The following CNTN3 variants were observed in gnomAD, a reference collection of about 807,000 sequenced individuals.
CNTN3 encodes contactin-3.
In CNTN3, 60 loss-of-function variants were observed where a neutral mutation model predicts 119.1. The ratio of observed to expected loss-of-function variants is 0.50; its 90% CI spans 0.41 to 0.62. The LOEUF (loss-of-function observed/expected upper bound fraction) is 0.62. Ranked by LOEUF, CNTN3 falls within the 20% of genes least tolerant of loss-of-function variation. The probability of loss-of-function intolerance (pLI) is 0.00; values close to 1 mark genes in which losing one functional copy is unlikely to be tolerated. For missense variants in CNTN3, 1,101 were observed against 1,242.4 expected, an observed-to-expected ratio of 0.89 and a Z score of 1.71; for synonymous variants, 450 against 438.7, an observed-to-expected ratio of 1.03 and a Z score of -0.32.
intron 4 of CNTN3, among the ~76,000 whole-genome samples, chr3:74,432,889 G>C (rs984043509): frequency 2.0e-5 from 3 of 152,140 alleles, no homozygotes. Flanking sequence ...ATGGCAAAGT[G>C]TGTCTTAGGA....
At chr3:74,488,523 TTATGCCCTATTGTATGTCTG>T (rs1157712550) in intron 3 of CNTN3, among the ~76,000 whole-genome samples, 1 of 152,200 alleles carries the variant, frequency 6.6e-6, no homozygotes, top group Non-Finnish European at 1.5e-5. Flanking sequence ...ATGTTTATCA[TTATGCCCTATTGTATGTCTG>T]TATCATTTTC....
At position 74,323,009 on chromosome 3, in the gene CNTN3, G is replaced by A. The variant is rs9812129; in HGVS notation, c.1668+11726C>T. Among the ~76,000 whole-genome samples, 958 of 152,270 alleles carry A rather than the reference G, an allele frequency of 6.3e-3. 12 individuals carry two copies. The highest frequency in any genetic ancestry group is 0.022 in the African/African-American group (924 of 41,558). ...TAGGAGGGCTGGAAGAAATGAACAG[G>A]CAGGGTACAGAGGATTTTTAGGGCG... On this transcript the variant is annotated intron_variant, in intron 13 of 22. Coordinates refer to ENST00000263665, the MANE Select transcript of CNTN3 (RefSeq NM_020872.3).
intron 5 of CNTN3, among the ~76,000 whole-genome samples, chr3:74,379,788 T>C (rs1191575844): frequency 6.6e-6 from 1 of 152,010 alleles, no homozygotes; most frequent in Non-Finnish European, 1.5e-5. Flanking sequence ...AGCAATGGCT[T>C]GGGGGGACTG....
intron 1 of CNTN3, among the ~76,000 whole-genome samples, chr3:74,527,634 G>A (rs559790474): frequency 9.2e-5 from 14 of 151,986 alleles, no homozygotes; most frequent in South Asian, 6.2e-4. Flanking sequence ...CATGCCAACC[G>A]ACATGCTTCA....
At chr3:74,539,997 AT>A (rs536051093) in intron 1 of CNTN3, among the ~76,000 whole-genome samples, 25 of 152,146 alleles carry the variant, frequency 1.6e-4, no homozygotes, top group Non-Finnish European at 3.2e-4. Flanking sequence ...ACATTCTATT[AT>A]GGAAGCTTGC....
intron 4 of CNTN3, among the ~76,000 whole-genome samples, chr3:74,464,485 A>C (rs1027229199): frequency 3.3e-5 from 5 of 152,150 alleles, no homozygotes; most frequent in Non-Finnish European, 5.9e-5. Flanking sequence ...GATTTAAAGG[A>C]AAGAATGTCA....
chr3:74,324,985 T>A (rs1703093944), intron 13 of CNTN3, among the ~76,000 whole-genome samples: 1 of 152,154 alleles, frequency 6.6e-6, no homozygotes, highest in Admixed American at 6.6e-5. Context: ...GAGGTAACAA[T>A]CTGATACATG....
chr3:74,589,329 T>C (rs1188773205), intron 1 of CNTN3, among the ~76,000 whole-genome samples: 1 of 150,262 alleles, frequency 6.7e-6, no homozygotes, highest in Non-Finnish European at 1.5e-5. Context: ...AAGAAGACAT[T>C]TATGCAGCCA....
chr3:74,395,254 C>T (rs1457344902), intron 5 of CNTN3, among the ~76,000 whole-genome samples: 2 of 152,080 alleles, frequency 1.3e-5, no homozygotes, highest in African/African-American at 4.8e-5. Flanking sequence ...ACCACTCTAC[C>T]CAATCAACAG....
At chr3:74,588,452 A>G (rs1229138323) in intron 1 of CNTN3, among the ~76,000 whole-genome samples, 5 of 152,030 alleles carry the variant, frequency 3.3e-5, no homozygotes, top group African/African-American at 4.8e-5. Flanking sequence ...AAGGAAATAA[A>G]AGAGGATACA....
chr3:74,326,738 G>C (rs1703141063), intron 13 of CNTN3, among the ~76,000 whole-genome samples: 1 of 152,010 alleles, frequency 6.6e-6, no homozygotes, highest in Non-Finnish European at 1.5e-5. Flanking sequence ...GTTTTGAGTA[G>C]CCCTAATATA....
chr3:74,277,949 G>C (rs1251191810), intron 20 of CNTN3, among the ~76,000 whole-genome samples: 1 of 151,548 alleles, frequency 6.6e-6, no homozygotes, highest in Non-Finnish European at 1.5e-5. Context: ...ACACAAATCA[G>C]TAGCTCTTCT....
chr3:74,424,392 A>T lies in CNTN3; in HGVS notation c.454+453T>A, dbSNP rs374924448. Reference sequence around the variant, plus strand: ...CACACATATCATTTCTATGTGTATAAATATATATATATATATATAAAATAC... The same window carrying T: ...CACACATATCATTTCTATGTGTATATATATATATATATATATATAAAATAC... On this transcript the variant is annotated intron_variant, in intron 5 of 22. Transcript: ENST00000263665. Among the ~76,000 whole-genome samples, 329 of 89,202 alleles carry T rather than the reference A, an allele frequency of 3.7e-3. 2 individuals carry two copies. The highest frequency in any genetic ancestry group is 0.012 in the Middle Eastern group (2 of 172). The allele number at this position is 89,202 out of a possible 152,430, so 58.5% of individuals were successfully genotyped here.
intron 3 of CNTN3, among the ~76,000 whole-genome samples, chr3:74,491,137 T>C (rs1013714100): frequency 1.2e-4 from 18 of 152,176 alleles, no homozygotes; most frequent in African/African-American, 4.1e-4. Flanking sequence ...TATATGTAAG[T>C]TCCCAATGCA....
intron 13 of CNTN3, among the ~76,000 whole-genome samples, chr3:74,316,811 C>T (rs923064802): frequency 3.3e-5 from 5 of 151,866 alleles, no homozygotes; most frequent in Non-Finnish European, 5.9e-5. Context: ...GCCTGTAGTC[C>T]CAGCTACTCG....
At chr3:74,479,284 A>C (rs1253556252) in intron 4 of CNTN3, among the ~76,000 whole-genome samples, 1 of 152,072 alleles carries the variant, frequency 6.6e-6, no homozygotes, top group Admixed American at 6.6e-5. Flanking sequence ...TAACAAATCA[A>C]GTCATTGTGG....
chr3:74,337,358 A>G (rs557264767), intron 11 of CNTN3, among the ~76,000 whole-genome samples: 8 of 152,266 alleles, frequency 5.3e-5, no homozygotes, highest in African/African-American at 9.6e-5. Context: ...GAGCAACACA[A>G]AAAGTCTCCA....
At chr3:74,613,819 C>G (rs1031495606) in intron 1 of CNTN3, among the ~76,000 whole-genome samples, 1 of 152,184 alleles carries the variant, frequency 6.6e-6, no homozygotes, top group Non-Finnish European at 1.5e-5. Flanking sequence ...GCTCAGGAAA[C>G]CTGGACTACA....
chr3:74,271,409 T>C (rs1480046211), intron 20 of CNTN3, among the ~76,000 whole-genome samples: 1 of 152,180 alleles, frequency 6.6e-6, no homozygotes, highest in East Asian at 1.9e-4. Flanking sequence ...ATTTTTTCTC[T>C]ATAGACTTTT....
Sources: gnomAD v4.1 joint callset for allele counts (sites outside exome capture counted in the v4.1 genomes callset) on GRCh38, gnomAD v4.1.1 for gene constraint, MANE v1.5 for transcripts, NCBI Gene and HGNC (gene_info 2026-07-23, HGNC 2026-07-21) for gene names.